The following PZP variants were observed in gnomAD, a reference collection of about 807,000 sequenced individuals.
PZP encodes PZP alpha-2-macroglobulin like.
A neutral mutation model predicts 179.8 loss-of-function variants in PZP; 150 were observed. The ratio of observed to expected loss-of-function variants is 0.83; its 90% CI spans 0.73 to 0.96. The LOEUF is 0.96. Among genes scored for constraint, PZP ranks in the 40% least tolerant of loss-of-function variants. The probability of loss-of-function intolerance (pLI) is 0.00; values close to 1 mark genes in which losing one functional copy is unlikely to be tolerated. For missense variants in PZP, 1,689 were observed against 1,764.0 expected (o/e 0.96, Z 0.76); for synonymous variants, 624 against 652.3 (o/e 0.96, Z 0.66).
Position 9,203,752 on chromosome 12 carries a change from G to A in PZP, c.267+16C>T, listed in dbSNP as rs1311994533. 1 of 1,613,558 alleles carries A rather than the reference G, an allele frequency of 6.2e-7. No homozygotes were observed. Among genetic ancestry groups the A allele is most frequent in the Non-Finnish European group, 8.5e-7 (1 of 1,179,680 alleles). On this transcript the variant is annotated intron_variant, in intron 2 of 35. Transcript: ENST00000261336. Reference sequence around the variant, plus strand: ...TGTATCAAGCAGGGATAGCCAGCTGGCACCGTAGCACTCACAGTGAAGGAG... The same window carrying A: ...TGTATCAAGCAGGGATAGCCAGCTGACACCGTAGCACTCACAGTGAAGGAG...
Position 9,160,328 on chromosome 12 carries a change from C to T in PZP, c.3035G>A (p.Gly1012Asp). The stretch of plus-strand genomic sequence containing the variant: ...GTCTCACTTACCAGTGATGAGATAG[C>T]CAACGGCCTTGGCCTTGATCTCCTG... ...LTQEIKAKAV[G>D]YLITGYQRQL... The change falls in exon 24 of 36, where the codon GGC becomes GAC. Residue 1012 changes from glycine to aspartate, a missense_variant. This residue lies in a region of PZP where 746 missense variants were observed against 749.2 expected (regional missense o/e 1.00). Coordinates refer to ENST00000261336, the MANE Select transcript of PZP (RefSeq NM_002864.3). 1 of 1,611,794 alleles carries T rather than the reference C, an allele frequency of 6.2e-7. No homozygotes were observed.
intron 31 of PZP, 92 bp downstream of exon 31, chr12:9,152,732 C>T (rs1940451160): frequency 7.5e-7 from 1 of 1,329,412 alleles, no homozygotes; most frequent in East Asian, 2.4e-5. Flanking sequence ...TTATATTAAT[C>T]TAATAACATA....
rs752654826 is a variant in PZP, at chr12:9,158,595, C to T, written c.3138-19G>A. The T allele has an allele frequency of 4.3e-6, 7 of 1,612,686 alleles. No individual in the cohort carries two copies. Among genetic ancestry groups the T allele is most frequent in the Non-Finnish European group, 5.9e-6 (7 of 1,179,200 alleles). On this transcript the variant is annotated intron_variant, in intron 25 of 35. Coordinates refer to ENST00000261336, the MANE Select transcript of PZP (RefSeq NM_002864.3). ...TGTGAGCCTAGGGGGAGGAAAAATG[C>T]AGTGCTGAGGCTCTTTTCATTGAGC...
chr12:9,201,225 T>C (rs1156418476), intron 5 of PZP, 102 bp downstream of exon 5: 1 of 1,333,026 alleles, frequency 7.5e-7, no homozygotes, highest in Non-Finnish European at 1.1e-6. Flanking sequence ...GGAATTCAGA[T>C]CTGAAAATTT....
chr12:9,197,122 A>G lies in PZP; in HGVS notation c.757T>C (p.Tyr253His). ...CCTGGGACAGGCTTCCCATAAGTGT[A>G]TCTGGTACATGAGAAATAAATCAGG... is the stretch of plus-strand genomic sequence containing the variant. ...EKVNITVCGE[Y>H]TYGKPVPGLA... is the part of the protein sequence containing the mutation. Residue 253 changes from tyrosine to histidine, a missense_variant and splice_region_variant, in exon 8 of 36, where the codon TAC (tyrosine) becomes CAC (histidine). Physicochemically the swap from Tyr to His is moderately conservative, Grantham distance 83 (BLOSUM62 2). Around this residue, in one of 3 missense-constraint regions of PZP, gnomAD observed 742 missense variants for 730.5 expected, o/e 1.02. Transcript: ENST00000261336. The G allele has an allele frequency of 6.3e-7, 1 of 1,590,202 alleles. No homozygotes were observed. Among genetic ancestry groups the G allele is most frequent in the Admixed American group, 1.7e-5 (1 of 59,764 alleles).
At chr12:9,184,972 G>T (rs1592523094) in intron 13 of PZP, among the ~76,000 whole-genome samples, 1 of 152,346 alleles carries the variant, frequency 6.6e-6, no homozygotes, top group East Asian at 1.9e-4. Flanking sequence ...AGCCCGCAAA[G>T]ATGAGAAAGA....
Position 9,163,591 on chromosome 12 carries a change from T to C in PZP, c.2736+77A>G, listed in dbSNP as rs1441864478. ...ATGTATTGTGTGAGCATGATATTAA[T>C]GGTTCTTTGTTGTCTCAAGAGTGAC... is the stretch of plus-strand genomic sequence containing the variant. On this transcript the variant is annotated intron_variant, in intron 21 of 35. Coordinates refer to ENST00000261336, the MANE Select transcript of PZP (RefSeq NM_002864.3). The C allele has an allele frequency of 2.8e-5, 41 of 1,489,916 alleles. No homozygotes were observed. In the Admixed American group the frequency reaches 7.7e-4, roughly 28 times the overall value. The allele number at this position is 1,489,916 out of a possible 1,614,324, so 92.3% of individuals were successfully genotyped here. A position where few individuals can be genotyped will look rare whatever the true frequency, so the allele number is the denominator to read the frequency against.
At chr12:9,137,523 C>T in the PZP span, among the ~76,000 whole-genome samples, 1 of 151,874 alleles carries the variant, frequency 6.6e-6, no homozygotes, top group African/African-American at 2.4e-5. Context: ...TTTCTCATTC[C>T]CTATAAATTT....
intron 27 of PZP, 38 bp from the exon 28 acceptor site, chr12:9,157,393 A>G: frequency 3.2e-6 from 5 of 1,582,430 alleles, no homozygotes; most frequent in Non-Finnish European, 4.3e-6. Context: ...AACTAGGGTG[A>G]ATAGAGGGCA....
In PZP at chr12:9,192,729, A is replaced by C; in HGVS notation, c.1265T>G (p.Val422Gly). 6.2e-7 allele frequency: 1 copy of C among 1,607,552 alleles called. No individual in the cohort carries two copies. Among genetic ancestry groups the C allele is most frequent in the Non-Finnish European group, 8.5e-7 (1 of 1,174,190 alleles). ...ATAGTGAAAACACAAGTTGGGATGC[A>C]CAGTGAAAACCTGAGTAAACAGAAA... ...VNKLFVRVFT[V>G]HPNLCFHYSW... Residue 422 changes from valine to glycine, a missense_variant, in exon 12 of 36, where the codon GTG (valine) becomes GGG (glycine). Physicochemically the swap from Val to Gly is moderately radical, Grantham distance 109. Transcript: ENST00000261336.
At chr12:9,198,874 G>A (rs1029307200) in intron 7 of PZP, among the ~76,000 whole-genome samples, 2 of 152,184 alleles carry the variant, frequency 1.3e-5, no homozygotes, top group South Asian at 4.1e-4. Flanking sequence ...AGGCTGAAAT[G>A]AGGCAGAGAT....
intron 32 of PZP, 65 bp from the exon 33 acceptor site, chr12:9,151,737 G>A (rs1940373091): frequency 2.3e-6 from 3 of 1,324,896 alleles, no homozygotes; most frequent in Non-Finnish European, 3.2e-6. Flanking sequence ...GTGAGATCTA[G>A]AGCAGATTGT....
chr12:9,160,103 A>C, intron 24 of PZP, 78 bp from the exon 25 acceptor site: 2 of 1,376,582 alleles, frequency 1.5e-6, no homozygotes, highest in Non-Finnish European at 1.0e-6. Context: ...TCATGCATCC[A>C]GGCGCCATGG....
At chr12:9,165,817 G>T (rs764310461) in intron 18 of PZP, among the ~76,000 whole-genome samples, 5 of 152,304 alleles carry the variant, frequency 3.3e-5, no homozygotes, top group African/African-American at 1.2e-4. Flanking sequence ...AATATTTATA[G>T]TTCTCATGTC....
At chr12:9,173,901 AAAG>A (rs1469096550) in intron 15 of PZP, among the ~76,000 whole-genome samples, 1 of 152,246 alleles carries the variant, frequency 6.6e-6, no homozygotes. Flanking sequence ...CCATAGGTAC[AAAG>A]AAGAGCTGGT....
In PZP at chr12:9,148,940, G is replaced by T; in HGVS notation, c.*32C>A. On this transcript the variant is annotated 3_prime_UTR_variant, in exon 36 of 36. Coordinates refer to ENST00000261336, the MANE Select transcript of PZP (RefSeq NM_002864.3). ...CTTCTAAGTAAATGTATAGGACAGA[G>T]AATCCACCAAAATATACAGCCTGTA... is the stretch of plus-strand genomic sequence containing the variant. 6.3e-7 allele frequency: 1 copy of T among 1,584,376 alleles called. No individual in the cohort carries two copies. Among genetic ancestry groups the T allele is most frequent in the Non-Finnish European group, 8.7e-7 (1 of 1,153,424 alleles).
chr12:9,184,558 A>G (rs1942982925), intron 13 of PZP, among the ~76,000 whole-genome samples: 1 of 152,188 alleles, frequency 6.6e-6, no homozygotes, highest in Non-Finnish European at 1.5e-5. Context: ...ACAGCTGATG[A>G]GCGTGTACCC....
chr12:9,175,699 T>C (rs933586648), intron 15 of PZP, among the ~76,000 whole-genome samples: 2 of 152,056 alleles, frequency 1.3e-5, no homozygotes, highest in African/African-American at 2.4e-5. Flanking sequence ...AACAAACATA[T>C]GAAGAAAAGC....
At chr12:9,168,996 A>G (rs1394790026) in intron 16 of PZP, 22 bp from the exon 17 acceptor site, 4 of 1,527,578 alleles carry the variant, frequency 2.6e-6, no homozygotes, top group Non-Finnish European at 2.7e-6. Flanking sequence ...TAATTGTTCA[A>G]TCTACTTGTA....
Sources: gnomAD v4.1 joint callset for allele counts (sites outside exome capture counted in the v4.1 genomes callset) on GRCh38, gnomAD v4.1.1 for gene constraint, gnomAD v4.1.1 regional missense constraint, MANE v1.5 for transcripts, NCBI Gene and HGNC (gene_info 2026-07-23, HGNC 2026-07-21) for gene names.